The following ACADVL variants were observed in gnomAD, a reference collection of about 807,000 sequenced individuals.
ACADVL encodes acyl-CoA dehydrogenase very long chain.
A neutral mutation model predicts 80.4 loss-of-function variants in ACADVL; 73 were observed. The ratio of observed to expected loss-of-function variants is 0.91; its 90% CI spans 0.75 to 1.10. The LOEUF (loss-of-function observed/expected upper bound fraction) is 1.10. Among genes scored for constraint, ACADVL ranks in the 50% least tolerant of loss-of-function variants. The pLI is 0.00. For missense variants in ACADVL, 878 were observed against 858.9 expected (o/e 1.02, Z -0.28); for synonymous variants, 392 against 326.5 (o/e 1.20, Z -2.16).
rs934797393 is a variant in ACADVL, at chr17:7,222,807, G to T, written c.1019G>T (p.Gly340Val). ...FKVAMHILNN[G>V]RFGMAAALAG... ...GTTGCCATGCACATCCTCAACAATG[G>T]AAGGTTTGGCATGGCTGCGGCCCTG... is the stretch of plus-strand genomic sequence containing the variant. The change falls in exon 10 of 20, where the codon GGA (glycine) becomes GTA (valine). Residue 340 changes from glycine (G) to valine (V), a missense_variant. Coordinates refer to ENST00000356839, the MANE Select transcript of ACADVL (RefSeq NM_000018.4). The T allele has an allele frequency of 1.2e-6, 2 of 1,613,876 alleles. No individual in the cohort carries two copies. Among genetic ancestry groups the T allele is most frequent in the Non-Finnish European group, 1.7e-6 (2 of 1,180,018 alleles).
At position 7,221,672 on chromosome 17, in the gene ACADVL, G is replaced by A. The variant is rs149836890; in HGVS notation, c.612G>A (p.Lys204=). Residue 204 remains lysine, a synonymous_variant, in exon 7 of 20, where the codon AAG becomes AAA. Transcript: ENST00000356839. Reference sequence around the variant, plus strand: ...CCCAGAAAGAAAAATACCTCCCCAAGCTGGCATCTGGTGAGGCAACCCTAG... The same window carrying A: ...CCCAGAAAGAAAAATACCTCCCCAAACTGGCATCTGGTGAGGCAACCCTAG... ...TKAQKEKYLP[K]LASGETVAAF... is the part of the protein sequence containing the mutation. The A allele has an allele frequency of 1.9e-6, 3 of 1,613,826 alleles. No individual in the cohort carries two copies. Among genetic ancestry groups the A allele is most frequent in the Admixed American group, 1.7e-5 (1 of 60,028 alleles).
At chr17:7,222,938 T>TA in intron 10 of ACADVL, 73 bp downstream of exon 10, 1 of 1,565,296 alleles carries the variant, frequency 6.4e-7, no homozygotes, top group Non-Finnish European at 8.7e-7. Flanking sequence ...GTGTCCCTGA[T>TA]CACTTGCAGG....
chr17:7,224,037 C>T lies in ACADVL; in HGVS notation c.1402C>T (p.Leu468Phe). 1.9e-6 allele frequency: 3 copies of T among 1,614,184 alleles called. No homozygotes were observed. Among genetic ancestry groups the T allele is most frequent in the Non-Finnish European group, 2.5e-6 (3 of 1,180,040 alleles). Residue 468 changes from leucine to phenylalanine, a missense_variant, in exon 14 of 20, where the codon CTT (leucine) becomes TTT (phenylalanine). Leu to Phe is a conservative substitution (Grantham distance 22). Coordinates refer to ENST00000356839, the MANE Select transcript of ACADVL (RefSeq NM_000018.4). ...FRIFEGTNDI[L>F]RLFVALQGCM... ...GATCTTTGAGGGGACAAATGACATT[C>T]TTCGGCTGTTTGTGGCTCTGCAGGG...
At chr17:7,219,409 T>C, upstream of ACADVL, 1 of 1,016,166 alleles carries the variant, frequency 9.8e-7, no homozygotes, top group Non-Finnish European at 1.2e-6. Context: ...CTTCCTACTG[T>C]GAAACTGTAG....
chr17:7,225,191 C>T lies in ACADVL; in HGVS notation c.*94C>T. The stretch of plus-strand genomic sequence containing the variant: ...AAGGCCCTGGTTTGTCCCGAAGGGG[C>T]CTAGTGTTCCCAGCACTGTGCCTGC... On this transcript the variant is annotated 3_prime_UTR_variant, in exon 20 of 20. Transcript: ENST00000356839. The T allele has an allele frequency of 6.4e-7, 1 of 1,555,972 alleles. No homozygotes were observed. The highest frequency in any genetic ancestry group is 8.8e-7 in the Non-Finnish European group (1 of 1,136,126).
chr17:7,221,418 GGC>G, intron 6 of ACADVL, 118 bp from the exon 7 acceptor site: 1 of 1,463,500 alleles, frequency 6.8e-7, no homozygotes, highest in Non-Finnish European at 9.5e-7. Context: ...GCCCAGGTCA[GGC>G]ACTGCCCTAG....
chr17:7,225,058 G>C lies in ACADVL; in HGVS notation c.1929G>C (p.Glu643Asp), dbSNP rs1208010882. ...AAAGCATCTCCAAGGCCTTGGTGGA[G>C]CGGGGTGGTGTGGTCACCAGCAACC... ...NFKSISKALV[E>D]RGGVVTSNPL... The change falls in exon 20 of 20, where the codon GAG (glutamate) becomes GAC (aspartate). Residue 643 changes from glutamate (E) to aspartate (D), a missense_variant. Physicochemically the swap from Glu to Asp is conservative, Grantham distance 45. Coordinates refer to ENST00000356839, the MANE Select transcript of ACADVL (RefSeq NM_000018.4). 1.2e-6 allele frequency: 2 copies of C among 1,614,008 alleles called. No individual in the cohort carries two copies. Among genetic ancestry groups the C allele is most frequent in the African/African-American group, 2.7e-5 (2 of 74,916 alleles).
At chr17:7,219,452 CAGA>C (rs2071080874), upstream of ACADVL, 1 of 1,028,290 alleles carries the variant, frequency 9.7e-7, no homozygotes, top group African/African-American at 1.7e-5. Flanking sequence ...GCCTACATCT[CAGA>C]AGAATACACT....
Position 7,221,663 on chromosome 17 carries a change from C to A in ACADVL, c.603C>A (p.Tyr201Ter). ...GCACAAAGGCCCAGAAAGAAAAATA[C>A]CTCCCCAAGCTGGCATCTGGTGAGG... is the stretch of plus-strand genomic sequence containing the variant. The part of the protein sequence containing the change: ...LFGTKAQKEK[Y>*]LPKLASGETV... The change falls in exon 7 of 20, where the codon TAC becomes TAA. Residue 201 changes from tyrosine (Y) to a stop codon, truncating the protein, a stop_gained. Coordinates refer to ENST00000356839, the MANE Select transcript of ACADVL (RefSeq NM_000018.4). LOFTEE classifies it high-confidence loss of function. The A allele has an allele frequency of 1.2e-6, 2 of 1,613,896 alleles. No individual in the cohort carries two copies. The highest frequency in any genetic ancestry group is 1.7e-6 in the Non-Finnish European group (2 of 1,180,032).
At position 7,222,279 on chromosome 17, in the gene ACADVL, G is replaced by C. The variant is rs201509063; in HGVS notation, c.855G>C (p.Glu285Asp). ...VKEKITAFVV[E>D]RGFGGITHGP... ...AGAAGATCACAGCTTTTGTGGTGGA[G>C]AGGGGCTTCGGGGGCATTACCCAGT... The change falls in exon 9 of 20, where the codon GAG (glutamate) becomes GAC (aspartate). Residue 285 changes from glutamate (E) to aspartate (D), a missense_variant. Glu to Asp is a conservative substitution (Grantham distance 45). Coordinates refer to ENST00000356839, the MANE Select transcript of ACADVL (RefSeq NM_000018.4). The C allele has an allele frequency of 5.8e-5, 93 of 1,614,016 alleles. No individual in the cohort carries two copies. The highest frequency in any genetic ancestry group is 7.4e-5 in the Non-Finnish European group (87 of 1,180,038).
Position 7,225,208 on chromosome 17 carries a change from T to C in ACADVL, c.*111T>C, listed in dbSNP as rs1597541789. 13 of 1,475,066 alleles carry C rather than the reference T, an allele frequency of 8.8e-6. No individual in the cohort carries two copies. The highest frequency in any genetic ancestry group is 1.2e-5 in the Non-Finnish European group (13 of 1,066,758). 91.4% of individuals were successfully genotyped at this position (1,475,066 alleles called of 1,614,324 possible). The stretch of plus-strand genomic sequence containing the variant: ...CGAAGGGGCCTAGTGTTCCCAGCAC[T>C]GTGCCTGCTCTCAAGAGCACTTACT... On this transcript the variant is annotated 3_prime_UTR_variant, in exon 20 of 20. Transcript: ENST00000356839.
rs372837015 is a variant in ACADVL at position 7,224,464 on chromosome 17, G to A, written c.1606-16G>A. The stretch of plus-strand genomic sequence containing the variant: ...CGATGGCCCCTCTGAGCCCCGCACT[G>A]TCCCCATCTCTTAAGGCAGTACGGG... On this transcript the variant is annotated splice_polypyrimidine_tract_variant and intron_variant, in intron 16 of 19. Transcript: ENST00000356839. 1.9e-6 allele frequency: 3 copies of A among 1,613,764 alleles called. No individual in the cohort carries two copies. Among genetic ancestry groups the A allele is most frequent in the Non-Finnish European group, 2.5e-6 (3 of 1,179,996 alleles).
chr17:7,220,001 T>C lies in ACADVL; in HGVS notation c.17T>C (p.Met6Thr), dbSNP rs1165009307. MQAARMAASLGRQLLR... is the reference protein window; with the variant it reads MQAARTAASLGRQLLR... ...GATTCGGAGATGCAGGCGGCTCGGA[T>C]GGCCGCGAGCTTGGGGCGGCAGCTG... The change falls in exon 1 of 20, where the codon ATG becomes ACG. Residue 6 changes from methionine (M) to threonine (T), a missense_variant. Met to Thr is a moderately conservative substitution (Grantham distance 81). Coordinates refer to ENST00000356839, the MANE Select transcript of ACADVL (RefSeq NM_000018.4). 6.2e-7 allele frequency: 1 copy of C among 1,603,938 alleles called. No homozygotes were observed. The highest frequency in any genetic ancestry group is 1.3e-5 in the African/African-American group (1 of 74,818).
In ACADVL at chr17:7,222,261, C is replaced by G; in HGVS notation, c.837C>G (p.Ile279Met). The change falls in exon 9 of 20, where the codon ATC becomes ATG. Residue 279 changes from isoleucine (I) to methionine (M), a missense_variant. Physicochemically the swap from Ile to Met is conservative, Grantham distance 10. Coordinates refer to ENST00000356839, the MANE Select transcript of ACADVL (RefSeq NM_000018.4). The part of the protein sequence containing the change: ...DPATGAVKEK[I>M]TAFVVERGFG... ...CCACAGGAGCCGTGAAGGAGAAGATCACAGCTTTTGTGGTGGAGAGGGGCT... is the reference window on the plus strand; with the variant it reads ...CCACAGGAGCCGTGAAGGAGAAGATGACAGCTTTTGTGGTGGAGAGGGGCT... 6.2e-7 allele frequency: 1 copy of G among 1,614,070 alleles called. No individual in the cohort carries two copies. The highest frequency in any genetic ancestry group is 8.5e-7 in the Non-Finnish European group (1 of 1,180,006).
Position 7,224,488 on chromosome 17 carries a change from G to A in ACADVL, c.1614G>A (p.Arg538=), listed in dbSNP as rs144450894. The change falls in exon 17 of 20, where the codon CGG becomes CGA. Residue 538 remains arginine (R), a synonymous_variant. Coordinates refer to ENST00000356839, the MANE Select transcript of ACADVL (RefSeq NM_000018.4). Reference sequence around the variant, plus strand: ...TGTCCCCATCTCTTAAGGCAGTACGGGCTCTGGAGCAGTTTGCCACTGTGG... The same window carrying A: ...TGTCCCCATCTCTTAAGGCAGTACGAGCTCTGGAGCAGTTTGCCACTGTGG... ...ELSRSGELAV[R]ALEQFATVVE... is the part of the protein sequence containing the mutation. The A allele has an allele frequency of 3.2e-5, 51 of 1,613,646 alleles. No homozygotes were observed. The highest frequency in any genetic ancestry group is 4.0e-5 in the Non-Finnish European group (47 of 1,180,008).
upstream of ACADVL, chr17:7,219,645 T>A: frequency 7.9e-7 from 1 of 1,262,680 alleles, no homozygotes; most frequent in Non-Finnish European, 1.0e-6. Flanking sequence ...AAGCCCTCCC[T>A]TCAGTCCACC....
At position 7,224,157 on chromosome 17, in the gene ACADVL, G is replaced by A. The variant is rs1194253009; in HGVS notation, c.1446G>A (p.Lys482=). ...CTCTTCCCCCATAGGACAAAGGAAA[G>A]GAGCTCTCTGGGCTTGGCAGTGCTC... ...VALQGCMDKG[K]ELSGLGSALK... is the part of the protein sequence containing the mutation. The change falls in exon 15 of 20, where the codon AAG becomes AAA. Residue 482 remains lysine, a synonymous_variant. Coordinates refer to ENST00000356839, the MANE Select transcript of ACADVL (RefSeq NM_000018.4). The A allele has an allele frequency of 2.5e-6, 4 of 1,614,182 alleles. No homozygotes were observed. The highest frequency in any genetic ancestry group is 3.3e-5 in the Admixed American group (2 of 60,018).
At chr17:7,218,337 CA>C, upstream of ACADVL, 1 of 1,554,536 alleles carries the variant, frequency 6.4e-7, no homozygotes, top group Non-Finnish European at 8.8e-7. Context: ...CCAGGCACAT[CA>C]CCCCTGTCAT....
chr17:7,219,643 C>T (rs1309140523), upstream of ACADVL: 7 of 1,257,872 alleles, frequency 5.6e-6, no homozygotes, highest in East Asian at 2.4e-4. Flanking sequence ...AGAAGCCCTC[C>T]CTTCAGTCCA....
Sources: gnomAD v4.1 joint callset for allele counts on GRCh38, gnomAD v4.1.1 for gene constraint, MANE v1.5 for transcripts, NCBI Gene and HGNC (gene_info 2026-07-23, HGNC 2026-07-21) for gene names.